RNF157: variants seen among roughly 807,000 people sequenced by gnomAD.
The protein encoded by RNF157 is ring finger protein 157, also known as E3 ubiquitin ligase RNF157.
Under a neutral mutation model 88.3 loss-of-function variants are expected in RNF157, and 55 were observed. The observed-to-expected ratio is 0.62, with a 90% confidence interval of 0.50 to 0.78. RNF157 has a LOEUF of 0.78. Ranked by LOEUF, RNF157 falls within the 30% of genes least tolerant of loss-of-function variation. The probability of loss-of-function intolerance (pLI) is 0.00; values close to 1 mark genes in which losing one functional copy is unlikely to be tolerated. For missense variants in RNF157, 788 were observed against 860.8 expected, an observed-to-expected ratio of 0.92 and a Z score of 1.06; for synonymous variants, 334 against 341.2, an observed-to-expected ratio of 0.98 and a Z score of 0.23.
At chr17:76,235,861 T>C (rs1261729959) in intron 1 of RNF157, among the ~76,000 whole-genome samples, 1 of 152,006 alleles carries the variant, frequency 6.6e-6, no homozygotes, top group Non-Finnish European at 1.5e-5. Context: ...CTTTAAACAT[T>C]AGCCAGGCAT....
intron 1 of RNF157, among the ~76,000 whole-genome samples, chr17:76,212,752 C>T (rs2069824341): frequency 6.6e-6 from 1 of 152,020 alleles, no homozygotes; most frequent in African/African-American, 2.4e-5. Flanking sequence ...GTCCCAGCTA[C>T]TCAGGAAGCT....
In RNF157 at chr17:76,176,997, A is replaced by G. The variant is rs2144891630; in HGVS notation, c.208-3207T>C. Among the ~76,000 whole-genome samples the G allele has an allele frequency of 6.6e-6, 1 of 152,158 alleles. No individual in the cohort carries two copies. The highest frequency in any genetic ancestry group is 2.1e-4 in the South Asian group (1 of 4,828). ...AGGTCTGCCCCACATTGGGGTGACC[A>G]CTGAGCCTGACACTCCTGGGCAGAT... On this transcript the variant is annotated intron_variant, in intron 2 of 18. Transcript: ENST00000269391. The surrounding 1 kb of genome is among the most constrained non-coding windows in gnomAD (Gnocchi z 4.2).
intron 2 of RNF157, among the ~76,000 whole-genome samples, chr17:76,205,912 AGC>A (rs137981342): frequency 0.018 from 2,721 of 152,166 alleles, 91 homozygotes; most frequent in African/African-American, 0.062. Context: ...AAATGAGAGG[AGC>A]GGTTTGAACT....
rs1043179816 is a variant in RNF157, at chr17:76,160,895, T to C, written c.1065+640A>G. On this transcript the variant is annotated intron_variant, in intron 11 of 18. Transcript: ENST00000269391. The surrounding 1 kb of genome is among the most constrained non-coding windows in gnomAD (Gnocchi z 4.3). ...TTTGTTTGGTTTGATGCTCTTAATA[T>C]AGTTAACTAGTTACTCCAGCTGGAA... Among the ~76,000 whole-genome samples the C allele has an allele frequency of 6.6e-6, 1 of 152,256 alleles. No homozygotes were observed. Among genetic ancestry groups the C allele is most frequent in the Non-Finnish European group, 1.5e-5 (1 of 68,042 alleles).
intron 14 of RNF157, among the ~76,000 whole-genome samples, chr17:76,155,987 C>G (rs949980315): frequency 6.6e-6 from 1 of 152,242 alleles, no homozygotes; most frequent in East Asian, 1.9e-4. Context: ...AACCTCATTA[C>G]AGGAGGACTG....
chr17:76,202,005 A>C (rs772958542), intron 2 of RNF157, among the ~76,000 whole-genome samples: 25 of 152,258 alleles, frequency 1.6e-4, no homozygotes, highest in Non-Finnish European at 3.1e-4. Flanking sequence ...CTCAAAATTT[A>C]ATCAATATTT....
chr17:76,220,385 TAAAAAAAAAA>T (rs34888046), intron 1 of RNF157, among the ~76,000 whole-genome samples: 1 of 128,728 alleles, frequency 7.8e-6, no homozygotes, highest in Non-Finnish European at 1.7e-5. Flanking sequence ...TAATGATATC[TAAAAAAAAAA>T]AAAAAAAAAG....
intron 2 of RNF157, among the ~76,000 whole-genome samples, chr17:76,200,942 C>T (rs536818966): frequency 4.6e-5 from 7 of 152,136 alleles, no homozygotes; most frequent in African/African-American, 9.6e-5. Flanking sequence ...TGTCTTTCTC[C>T]GCAAGCCCCC....
chr17:76,159,403 C>A lies in RNF157; in HGVS notation c.1236G>T (p.Thr412=), dbSNP rs149550205. 6.2e-7 allele frequency: 1 copy of A among 1,613,236 alleles called. No individual in the cohort carries two copies. Among genetic ancestry groups the A allele is most frequent in the African/African-American group, 1.3e-5 (1 of 75,012 alleles). The part of the protein sequence containing the change: ...GSDGHLPPVR[T]ISPLDRLSDS... ...CAGACAGGCGGTCAAGAGGCGAGAT[C>A]GTCCTGACGGGGGGCAGGTGGCCAT... The change falls in exon 12 of 19, where the codon ACG becomes ACT. Residue 412 remains threonine (T), a synonymous_variant. Coordinates refer to ENST00000269391, the MANE Select transcript of RNF157 (RefSeq NM_052916.3).
chr17:76,235,284 G>A (rs1479248488), intron 1 of RNF157, among the ~76,000 whole-genome samples: 3 of 150,416 alleles, frequency 2.0e-5, no homozygotes, highest in African/African-American at 7.4e-5. Flanking sequence ...TGCAAGCTCC[G>A]CCTCCTGGGT....
At chr17:76,235,853 T>A (rs1238805788) in intron 1 of RNF157, among the ~76,000 whole-genome samples, 2 of 151,884 alleles carry the variant, frequency 1.3e-5, no homozygotes. Flanking sequence ...TACAAAAACT[T>A]TAAACATTAG....
chr17:76,190,458 T>C (rs370876146), intron 2 of RNF157, among the ~76,000 whole-genome samples: 3 of 151,982 alleles, frequency 2.0e-5, no homozygotes, highest in East Asian at 1.9e-4. Flanking sequence ...TGAGCCACTG[T>C]GCTTGGCCAT....
chr17:76,213,495 G>A (rs1422937905), intron 1 of RNF157, among the ~76,000 whole-genome samples: 2 of 151,364 alleles, frequency 1.3e-5, no homozygotes, highest in South Asian at 2.1e-4. Flanking sequence ...TCTCGAACCC[G>A]GGAGGCAGAG....
intron 2 of RNF157, among the ~76,000 whole-genome samples, chr17:76,205,473 G>A (rs1226540584): frequency 2.0e-5 from 3 of 151,980 alleles, no homozygotes; most frequent in African/African-American, 4.8e-5. Flanking sequence ...GAGCGCAGTG[G>A]CTCAGCCCTT....
chr17:76,148,260 CCTTTT>C (rs2068615981), intron 18 of RNF157, among the ~76,000 whole-genome samples: 1 of 137,036 alleles, frequency 7.3e-6, no homozygotes, highest in South Asian at 2.2e-4. Flanking sequence ...ATTATCTTTG[CCTTTT>C]TTTTTTTTTT....
intron 1 of RNF157, among the ~76,000 whole-genome samples, chr17:76,214,000 C>T (rs527944472): frequency 3.9e-5 from 6 of 152,214 alleles, no homozygotes; most frequent in East Asian, 1.9e-4. Context: ...ATAATAAACT[C>T]GTAAATGTGT....
At chr17:76,156,992 C>G (rs1486298927) in intron 13 of RNF157, among the ~76,000 whole-genome samples, 3 of 150,708 alleles carry the variant, frequency 2.0e-5, no homozygotes, top group Non-Finnish European at 4.4e-5. Context: ...GATGGAGTCT[C>G]GCTCTGTTGC....
At chr17:76,180,449 T>G (rs2069171712) in intron 2 of RNF157, among the ~76,000 whole-genome samples, 1 of 152,180 alleles carries the variant, frequency 6.6e-6, no homozygotes, top group Non-Finnish European at 1.5e-5. Flanking sequence ...TTGGGTAACC[T>G]GCAATTACAG....
At chr17:76,152,145 C>T (rs557674326) in intron 18 of RNF157, among the ~76,000 whole-genome samples, 1 of 152,208 alleles carries the variant, frequency 6.6e-6, no homozygotes, top group Non-Finnish European at 1.5e-5. Flanking sequence ...CTAATACTCT[C>T]ACTCAGAGCA....
Sources: gnomAD v4.1 joint callset for allele counts (sites outside exome capture counted in the v4.1 genomes callset) on GRCh38, gnomAD v4.1.1 for gene constraint, Gnocchi (gnomAD v3.1) non-coding constraint, MANE v1.5 for transcripts, NCBI Gene and HGNC (gene_info 2026-07-23, HGNC 2026-07-21) for gene names.